The following TRERF1 variants were observed in gnomAD, a reference collection of about 807,000 sequenced individuals.
TRERF1 encodes transcriptional regulating factor 1.
TRERF1 carries 27 observed loss-of-function variants against 122.9 expected under a neutral mutation model. That is an observed-to-expected ratio of 0.22 (90% confidence interval 0.16 to 0.30). TRERF1 has a LOEUF of 0.30. TRERF1 is among the 10% of genes least tolerant of loss of function. The pLI is 1.00. For synonymous variants in TRERF1, 636 were observed against 641.7 expected (o/e 0.99, Z 0.13); for missense variants, 1,248 against 1,560.3 (o/e 0.80, Z 3.37).
chr6:42,315,992 T>C (rs1293916759), intron 3 of TRERF1, among the ~76,000 whole-genome samples: 2 of 152,122 alleles, frequency 1.3e-5, no homozygotes, highest in African/African-American at 2.4e-5. Flanking sequence ...AGAGGCTGTT[T>C]TGGGATGATC....
chr6:42,446,409 C>T (rs1787526282), intron 2 of TRERF1, among the ~76,000 whole-genome samples: 1 of 152,204 alleles, frequency 6.6e-6, no homozygotes, highest in Non-Finnish European at 1.5e-5. Flanking sequence ...TCTCCCCCAA[C>T]CCCCAAACCT....
At chr6:42,250,992 CT>C (rs70987586) in intron 13 of TRERF1, among the ~76,000 whole-genome samples, 9,853 of 97,444 alleles carry the variant, frequency 0.1, 147 homozygotes, top group African/African-American at 0.2. Flanking sequence ...TCTTTTGCTT[CT>C]TTTTTTTTTT....
intron 2 of TRERF1, among the ~76,000 whole-genome samples, chr6:42,367,253 A>T (rs1772912389): frequency 6.6e-6 from 1 of 152,036 alleles, no homozygotes; most frequent in South Asian, 2.1e-4. Context: ...CTCCACTCTT[A>T]CTAACAGAAA....
intron 2 of TRERF1, among the ~76,000 whole-genome samples, chr6:42,405,833 A>T (rs1344008396): frequency 6.6e-6 from 1 of 151,900 alleles, no homozygotes; most frequent in African/African-American, 2.4e-5. Context: ...AAAATAAAAA[A>T]AAAATAGGGA....
intron 13 of TRERF1, among the ~76,000 whole-genome samples, chr6:42,250,665 C>G (rs1775591269): frequency 6.6e-6 from 1 of 152,160 alleles, no homozygotes; most frequent in Non-Finnish European, 1.5e-5. Flanking sequence ...AGAGTCCCCC[C>G]ACACTCATTT....
At chr6:42,396,855 G>A (rs947707540) in intron 2 of TRERF1, among the ~76,000 whole-genome samples, 2 of 152,114 alleles carry the variant, frequency 1.3e-5, no homozygotes, top group Non-Finnish European at 2.9e-5. Flanking sequence ...GAGTAAGAAC[G>A]ACAAGACAGG....
At chr6:42,265,789 T>C (rs772563390) in exon 6 of TRERF1, 1 of 1,613,074 alleles carries the variant, frequency 6.2e-7, no homozygotes, top group South Asian at 1.1e-5. Context: ...TCCCATCAGG[T>C]AGGTGCATCT....
At chr6:42,373,910 A>G (rs1449373834) in intron 2 of TRERF1, among the ~76,000 whole-genome samples, 1 of 151,638 alleles carries the variant, frequency 6.6e-6, no homozygotes, top group Non-Finnish European at 1.5e-5. Context: ...CAAGGTGGGC[A>G]GACCGTGAGG....
chr6:42,259,291 C>G lies in TRERF1; in HGVS notation c.2269+48G>C. On this transcript the variant is annotated intron_variant, in intron 9 of 17. Transcript: ENST00000372922. This position sits in a 1 kb window ranked among gnomAD's most constrained non-coding sequence, Gnocchi z 4.9. ...CTAAAGAAAACGAGATGTCCCAGGA[C>G]TTTACCCAGCACCCAGAGCCCAGGA... 6.8e-7 allele frequency: 1 copy of G among 1,475,566 alleles called. No individual in the cohort carries two copies. Among genetic ancestry groups the G allele is most frequent in the Non-Finnish European group, 8.9e-7 (1 of 1,121,986 alleles). 91.4% of individuals were successfully genotyped at this position (1,475,566 alleles called of 1,614,324 possible). A position where few individuals can be genotyped will look rare whatever the true frequency, so the allele number is the denominator to read the frequency against.
At chr6:42,413,273 GTATCACTTAA>G (rs1047119198) in intron 2 of TRERF1, among the ~76,000 whole-genome samples, 48 of 152,180 alleles carry the variant, frequency 3.2e-4, no homozygotes, top group African/African-American at 1.1e-3. Flanking sequence ...TGGGTACTTA[GTATCACTTAA>G]TATCACTTAA....
chr6:42,329,336 A>G (rs536065170), intron 3 of TRERF1, among the ~76,000 whole-genome samples: 2 of 152,088 alleles, frequency 1.3e-5, no homozygotes, highest in Admixed American at 1.3e-4. Context: ...GCTCATCCCC[A>G]TCATGCCCCC....
At chr6:42,383,899 C>T (rs921478354) in intron 2 of TRERF1, among the ~76,000 whole-genome samples, 1 of 151,918 alleles carries the variant, frequency 6.6e-6, no homozygotes, top group African/African-American at 2.4e-5. Context: ...CAAATTAAAA[C>T]TGAGATACCA....
chr6:42,443,026 T>C (rs1213286353), intron 2 of TRERF1, among the ~76,000 whole-genome samples: 1 of 152,236 alleles, frequency 6.6e-6, no homozygotes, highest in Non-Finnish European at 1.5e-5. Context: ...AAAGAGGCTT[T>C]GGAACTACAA....
At chr6:42,436,813 AAATATATATATAT>A (rs1484957289) in intron 2 of TRERF1, among the ~76,000 whole-genome samples, 6 of 106,896 alleles carry the variant, frequency 5.6e-5, no homozygotes, top group Admixed American at 3.2e-4. Context: ...AAAAAAAAAA[AAATATATATATAT>A]ATATATATAT....
intron 2 of TRERF1, among the ~76,000 whole-genome samples, chr6:42,413,973 A>G (rs1781481607): frequency 1.3e-5 from 2 of 152,222 alleles, no homozygotes; most frequent in African/African-American, 4.8e-5. Flanking sequence ...CATGGGCCCA[A>G]TTAATTTCAA....
intron 2 of TRERF1, among the ~76,000 whole-genome samples, chr6:42,403,939 C>T (rs111676467): frequency 6.6e-6 from 1 of 152,126 alleles, no homozygotes; most frequent in Non-Finnish European, 1.5e-5. Context: ...AGACCCCCCC[C>T]AGGCCTTGCC....
At chr6:42,305,003 A>G (rs1786916272) in intron 3 of TRERF1, among the ~76,000 whole-genome samples, 1 of 152,188 alleles carries the variant, frequency 6.6e-6, no homozygotes, top group Non-Finnish European at 1.5e-5. Context: ...ACTATATCCC[A>G]AAGGCCAAAG....
At chr6:42,384,109 A>G (rs1477721891) in intron 2 of TRERF1, among the ~76,000 whole-genome samples, 1 of 152,066 alleles carries the variant, frequency 6.6e-6, no homozygotes, top group Admixed American at 6.6e-5. Flanking sequence ...TTTACCAGTA[A>G]TTCCACTTCT....
At chr6:42,407,264 A>T (rs1780308323) in intron 2 of TRERF1, among the ~76,000 whole-genome samples, 2 of 152,272 alleles carry the variant, frequency 1.3e-5, no homozygotes, top group South Asian at 4.1e-4. Flanking sequence ...CCAGATCTGA[A>T]ATGGAAAGGG....
Sources: allele counts gnomAD v4.1 joint callset (sites outside exome capture counted in the v4.1 genomes callset), GRCh38; gene constraint gnomAD v4.1.1; non-coding constraint Gnocchi (gnomAD v3.1); transcripts MANE v1.5; gene names NCBI Gene and HGNC (gene_info 2026-07-23, HGNC 2026-07-21).